The following MIPEP variants were observed in gnomAD, a reference collection of about 807,000 sequenced individuals.
MIPEP encodes the protein mitochondrial intermediate peptidase.
A neutral mutation model predicts 90.3 loss-of-function variants in MIPEP; 79 were observed. The ratio of observed to expected loss-of-function variants is 0.87; its 90% CI spans 0.73 to 1.05. The LOEUF (loss-of-function observed/expected upper bound fraction) is 1.05, where lower values mean the gene tolerates loss of function less well. Ranked by LOEUF, MIPEP falls within the 50% of genes least tolerant of loss-of-function variation. MIPEP has a pLI of 0.00. For synonymous variants in MIPEP, 334 were observed against 315.8 expected (o/e 1.06, Z -0.61); for missense variants, 940 against 905.6 (o/e 1.04, Z -0.49).
rs191094948 is a variant in MIPEP, at chr13:23,795,047, A to G, written c.1848+10903T>C. On this transcript the variant is annotated intron_variant, in intron 16 of 18. Coordinates refer to ENST00000382172, the MANE Select transcript of MIPEP (RefSeq NM_005932.4). ...GTCTTTCTTCGTATTTAAGATAAAA[A>G]CAAAAATAAATATTGTTTTCTTTAA... Among the ~76,000 whole-genome samples, 4 of 152,340 alleles carry G rather than the reference A, an allele frequency of 2.6e-5. No homozygotes were observed. In the East Asian group the frequency reaches 7.7e-4, roughly 29 times the overall value.
chr13:23,809,944 A>C lies in MIPEP; in HGVS notation c.1654-20T>G, dbSNP rs1168567867. ...CAGTGGCTTGATAAAACAAAAGAAT[A>C]TATATGTGAGTAAACTGCGTAATAA... On this transcript the variant is annotated intron_variant, in intron 14 of 18. Coordinates refer to ENST00000382172, the MANE Select transcript of MIPEP (RefSeq NM_005932.4). 1 of 1,554,434 alleles carries C rather than the reference A, an allele frequency of 6.4e-7. No individual in the cohort carries two copies. The highest frequency in any genetic ancestry group is 8.9e-7 in the Non-Finnish European group (1 of 1,126,832).
In MIPEP at chr13:23,886,395, C is replaced by T. The variant is rs749912386; in HGVS notation, c.301G>A (p.Gly101Arg). ...TCGAAGATCAGCACGGTCTGGGGCC[C>T]AGGTGGGGTGGAACATGCACGGTCC... The part of the protein sequence containing the change: ...LVDRACSTPP[G>R]PQTVLIFDEL... Residue 101 changes from glycine (G) to arginine (R), a missense_variant, in exon 2 of 19, where the codon GGG becomes AGG. Coordinates refer to ENST00000382172, the MANE Select transcript of MIPEP (RefSeq NM_005932.4). 8.7e-6 allele frequency: 14 copies of T among 1,607,818 alleles called. No individual in the cohort carries two copies. The highest frequency in any genetic ancestry group is 1.7e-5 in the Admixed American group (1 of 59,302).
intron 16 of MIPEP, among the ~76,000 whole-genome samples, chr13:23,780,758 A>G (rs538943250): frequency 1.3e-5 from 2 of 152,322 alleles, no homozygotes; most frequent in South Asian, 4.1e-4. Context: ...GAAGTCCTTA[A>G]ATGACCTGAT....
At chr13:23,840,724 C>T (rs1322279426) in intron 11 of MIPEP, among the ~76,000 whole-genome samples, 1 of 152,108 alleles carries the variant, frequency 6.6e-6, no homozygotes, top group African/African-American at 2.4e-5. Flanking sequence ...GGTAAGCATG[C>T]TAGCAAAAAT....
intron 17 of MIPEP, among the ~76,000 whole-genome samples, chr13:23,757,243 A>G (rs902796760): frequency 1.3e-5 from 2 of 151,964 alleles, no homozygotes; most frequent in East Asian, 3.9e-4. Context: ...TAAGGATCAC[A>G]TGCGCAGTTC....
rs149802415 is a variant in MIPEP, at chr13:23,836,280, C to A, written c.1613G>T (p.Arg538Leu). The change falls in exon 14 of 19, where the codon CGA becomes CTA. Residue 538 changes from arginine to leucine, a missense_variant. Coordinates refer to ENST00000382172, the MANE Select transcript of MIPEP (RefSeq NM_005932.4). Reference sequence around the variant, plus strand: ...ATGTCTGGCAAATTGGTTAACTACTCGATAATCATTTGCAAAGTACTCCAT... The same window carrying A: ...ATGTCTGGCAAATTGGTTAACTACTAGATAATCATTTGCAAAGTACTCCAT... The part of the protein sequence containing the change: ...ILMEYFANDY[R>L]VVNQFARHYQ... 3.7e-6 allele frequency: 6 copies of A among 1,605,124 alleles called. No individual in the cohort carries two copies. Among genetic ancestry groups the A allele is most frequent in the African/African-American group, 1.3e-5 (1 of 74,358 alleles).
intron 14 of MIPEP, among the ~76,000 whole-genome samples, chr13:23,826,373 A>C (rs1257548844): frequency 6.6e-6 from 1 of 152,150 alleles, no homozygotes; most frequent in Admixed American, 6.6e-5. Context: ...ATAAATATAC[A>C]ATCTACTCAA....
intron 16 of MIPEP, among the ~76,000 whole-genome samples, chr13:23,775,409 C>G (rs1952704264): frequency 6.6e-6 from 1 of 152,094 alleles, no homozygotes; most frequent in Admixed American, 6.5e-5. Context: ...TCTTTTTAGG[C>G]TGGGGATCAG....
At chr13:23,731,786 GT>G (rs1004529058) in intron 18 of MIPEP, among the ~76,000 whole-genome samples, 2 of 151,970 alleles carry the variant, frequency 1.3e-5, no homozygotes, top group Non-Finnish European at 2.9e-5. Context: ...GTAAAAATAT[GT>G]TTTTTTAAAT....
chr13:23,775,047 C>T (rs1952697998), intron 16 of MIPEP, among the ~76,000 whole-genome samples: 1 of 151,598 alleles, frequency 6.6e-6, no homozygotes, highest in African/African-American at 2.4e-5. Context: ...GATCCACCTG[C>T]CTTGGTCTCC....
rs538346626 is a variant in MIPEP, at chr13:23,805,269, G to A, written c.1848+681C>T. On this transcript the variant is annotated intron_variant, in intron 16 of 18. Transcript: ENST00000382172. The stretch of plus-strand genomic sequence containing the variant: ...CACGGTGCTCAACTGCTCCTTACAC[G>A]AGCCTTTGAGTGATGAAAAAAGCCT... 4.9e-4 allele frequency among the ~76,000 whole-genome samples: 75 copies of A among 152,192 alleles called. 1 individual carries two copies. The highest frequency in any genetic ancestry group is 9.7e-4 in the Non-Finnish European group (66 of 68,008).
At chr13:23,865,165 TG>T (rs1377614700) in intron 7 of MIPEP, among the ~76,000 whole-genome samples, 16 of 152,206 alleles carry the variant, frequency 1.1e-4, no homozygotes, top group Admixed American at 2.0e-4. Flanking sequence ...GGAAATGTTT[TG>T]CAAGTATTTC....
intron 14 of MIPEP, among the ~76,000 whole-genome samples, chr13:23,820,641 GA>G (rs1288575068): frequency 6.6e-5 from 10 of 152,114 alleles, no homozygotes; most frequent in Admixed American, 2.6e-4. Flanking sequence ...CACTTTATTA[GA>G]AAGCTTCTCT....
In MIPEP at chr13:23,821,345, T is replaced by C. The variant is rs192394705; in HGVS notation, c.1654-11421A>G. On this transcript the variant is annotated intron_variant, in intron 14 of 18. Transcript: ENST00000382172. The stretch of plus-strand genomic sequence containing the variant: ...TACTGAGTGAACTTTATACTTCAGA[T>C]AATTTATGCCCCTTCCTAGTTTCTT... Among the ~76,000 whole-genome samples, 236 of 152,376 alleles carry C rather than the reference T, an allele frequency of 1.5e-3. 1 individual carries two copies. The highest frequency in any genetic ancestry group is 2.7e-3 in the Non-Finnish European group (182 of 68,026).
At chr13:23,858,967 A>G in intron 9 of MIPEP, 55 bp from the exon 10 acceptor site, 2 of 1,461,296 alleles carry the variant, frequency 1.4e-6, no homozygotes, top group Non-Finnish European at 1.9e-6. Context: ...CATAGTTTTT[A>G]TCAGCAACGT....
At chr13:23,863,597 ATT>A (rs960162785) in intron 8 of MIPEP, among the ~76,000 whole-genome samples, 1 of 152,036 alleles carries the variant, frequency 6.6e-6, no homozygotes, top group Non-Finnish European at 1.5e-5. Flanking sequence ...AATATTCCAA[ATT>A]CCCCCCAAAA....
chr13:23,870,230 G>T, intron 5 of MIPEP, 35 bp from the exon 6 acceptor site: 1 of 1,371,126 alleles, frequency 7.3e-7, no homozygotes, highest in Non-Finnish European at 9.7e-7. Context: ...ATTTAAAGGC[G>T]TTTTGAATTA....
At chr13:23,856,218 G>A (rs1296099307) in intron 10 of MIPEP, among the ~76,000 whole-genome samples, 1 of 152,202 alleles carries the variant, frequency 6.6e-6, no homozygotes, top group Non-Finnish European at 1.5e-5. Flanking sequence ...GCAGCTTCAT[G>A]GACACCTGGC....
At chr13:23,753,553 T>C (rs533751079) in intron 18 of MIPEP, among the ~76,000 whole-genome samples, 1 of 152,348 alleles carries the variant, frequency 6.6e-6, no homozygotes, top group South Asian at 2.1e-4. Flanking sequence ...GGAAAACTTC[T>C]GAATAAATAC....
Sources: allele counts gnomAD v4.1 joint callset (sites outside exome capture counted in the v4.1 genomes callset), GRCh38; gene constraint gnomAD v4.1.1; transcripts MANE v1.5; gene names NCBI Gene and HGNC (gene_info 2026-07-23, HGNC 2026-07-21).